The following SLC35F4 variants were observed in gnomAD, a reference collection of about 807,000 sequenced individuals.
SLC35F4 encodes solute carrier family 35 member F4.
In SLC35F4, 24 loss-of-function variants were observed where a neutral mutation model predicts 44.2. That is an observed-to-expected ratio of 0.54 (90% CI 0.39 to 0.76). SLC35F4 has a LOEUF of 0.76. Among genes scored for constraint, SLC35F4 ranks in the 30% least tolerant of loss-of-function variants. SLC35F4 has a pLI of 0.00. For missense variants in SLC35F4, 562 were observed against 586.1 expected (o/e 0.96, Z 0.42); for synonymous variants, 238 against 223.6 (o/e 1.06, Z -0.57).
intron 1 of SLC35F4, among the ~76,000 whole-genome samples, chr14:57,738,116 G>A (rs1203293744): frequency 6.6e-6 from 1 of 152,176 alleles, no homozygotes; most frequent in Non-Finnish European, 1.5e-5. Flanking sequence ...GCCCACTCCA[G>A]AAATGCTGGT....
At chr14:57,624,098 T>C (rs2072343700) in intron 1 of SLC35F4, among the ~76,000 whole-genome samples, 1 of 151,806 alleles carries the variant, frequency 6.6e-6, no homozygotes, top group Admixed American at 6.6e-5. Flanking sequence ...ATAGACACAA[T>C]AAAAAATGAT....
rs535023917 is a variant in SLC35F4 at position 57,623,822 on chromosome 14, G to A, written c.104-29698C>T. 1.4e-4 allele frequency among the ~76,000 whole-genome samples: 21 copies of A among 152,306 alleles called. 1 individual carries two copies. The East Asian group carries it at 4.1e-3, about 29-fold the overall frequency. On this transcript the variant is annotated intron_variant, in intron 1 of 7. Transcript: ENST00000556826. ...AGCTGTGTGTAGTGGGAAATTTATA[G>A]CACTAAATGCCCACGAGAGAAAGCA...
At position 57,880,068 on chromosome 14, in the gene SLC35F4, G is replaced by A. The variant is rs146009720; in HGVS notation, n.282+101845C>T. ...AGGAAGGAAGGAAGGAAGGAAGGAA[G>A]GAAGGAAGGAAGGAAGGAAGGAAGG... On this transcript the variant is annotated intron_variant and non_coding_transcript_variant, in intron 1 of 1. Transcript: ENST00000556568. Among the ~76,000 whole-genome samples the A allele has an allele frequency of 6.1e-4, 73 of 120,620 alleles. 1 individual carries two copies. Among genetic ancestry groups the A allele is most frequent in the African/African-American group, 1.7e-3 (44 of 26,446 alleles). The allele number at this position is 120,620 out of a possible 152,430, so 79.1% of individuals were successfully genotyped here. A position where few individuals can be genotyped will look rare whatever the true frequency, so the allele number is the denominator to read the frequency against.
At chr14:57,905,350 A>C (rs1353608205) in intron 1 of SLC35F4, among the ~76,000 whole-genome samples, 5 of 152,196 alleles carry the variant, frequency 3.3e-5, no homozygotes, top group Admixed American at 3.3e-4. Flanking sequence ...TATATGATCT[A>C]GCCTCAGAAG....
At chr14:57,630,303 G>T in intron 1 of SLC35F4, 1 of 572,138 alleles carries the variant, frequency 1.7e-6, no homozygotes, top group Non-Finnish European at 3.3e-6. Flanking sequence ...GCTGTCTTCT[G>T]ATTACAACTA....
At chr14:57,728,204 C>T (rs889080724) in intron 1 of SLC35F4, among the ~76,000 whole-genome samples, 1 of 152,032 alleles carries the variant, frequency 6.6e-6, no homozygotes, top group African/African-American at 2.4e-5. Context: ...TATAACTACT[C>T]CTGCTCTTTT....
intron 1 of SLC35F4, among the ~76,000 whole-genome samples, chr14:57,928,098 C>G (rs954591380): frequency 2.6e-5 from 4 of 151,692 alleles, no homozygotes; most frequent in Non-Finnish European, 5.9e-5. Context: ...CCCATACAAG[C>G]AAAGACTCAT....
At chr14:57,962,837 G>A (rs181694344) in intron 1 of SLC35F4, among the ~76,000 whole-genome samples, 2 of 152,258 alleles carry the variant, frequency 1.3e-5, no homozygotes, top group East Asian at 3.9e-4. Flanking sequence ...AGCACACTGC[G>A]CAAAACCTCA....
rs575366794 is a variant in SLC35F4 at position 57,645,417 on chromosome 14, CTGTT to C, written c.104-51297_104-51294del. On this transcript the variant is annotated intron_variant, in intron 1 of 7. Transcript: ENST00000556826. ...GGGAGTTCACTCATGATTTGGCTCT[CTGTT>C]TGTCTGTTATTGGTGTATAAGAATG... is the stretch of plus-strand genomic sequence containing the variant. Among the ~76,000 whole-genome samples, 108 of 152,146 alleles carry C rather than the reference CTGTT, an allele frequency of 7.1e-4. 1 individual carries two copies. In the South Asian group the frequency reaches 0.019, roughly 27 times the overall value.
intron 1 of SLC35F4, among the ~76,000 whole-genome samples, chr14:57,658,132 A>G (rs1352625062): frequency 1.3e-5 from 2 of 152,162 alleles, no homozygotes; most frequent in Non-Finnish European, 2.9e-5. Context: ...CCAAATAGAG[A>G]GCATAGTTAT....
chr14:57,967,843 T>G (rs764676395), intron 1 of SLC35F4, among the ~76,000 whole-genome samples: 2 of 152,186 alleles, frequency 1.3e-5, no homozygotes, highest in African/African-American at 4.8e-5. Context: ...GCTTCCCAAA[T>G]TCATGCAAAG....
At chr14:57,671,203 G>A (rs1264591373) in intron 1 of SLC35F4, among the ~76,000 whole-genome samples, 1 of 152,066 alleles carries the variant, frequency 6.6e-6, no homozygotes, top group Non-Finnish European at 1.5e-5. Flanking sequence ...TCTGAGGTTT[G>A]CCCTTAGGCA....
At chr14:57,801,809 TAG>T (rs1349000556) in intron 1 of SLC35F4, among the ~76,000 whole-genome samples, 1 of 152,154 alleles carries the variant, frequency 6.6e-6, no homozygotes, top group East Asian at 1.9e-4. Context: ...ATGCACCCAA[TAG>T]AGAAGCACTC....
intron 1 of SLC35F4, among the ~76,000 whole-genome samples, chr14:57,858,702 A>G (rs1887376012): frequency 6.8e-6 from 1 of 146,760 alleles, no homozygotes; most frequent in Admixed American, 6.6e-5. Flanking sequence ...AGGAAAAAAA[A>G]GAATTACTAT....
chr14:57,742,277 G>A (rs1297199453), intron 1 of SLC35F4, among the ~76,000 whole-genome samples: 1 of 152,190 alleles, frequency 6.6e-6, no homozygotes, highest in Non-Finnish European at 1.5e-5. Context: ...ACACAGACTG[G>A]CAAATTGGAT....
chr14:57,976,278 G>A (rs1454899122), downstream of SLC35F4, among the ~76,000 whole-genome samples: 5 of 152,180 alleles, frequency 3.3e-5, no homozygotes, highest in African/African-American at 1.2e-4. Context: ...CTAGGTCTGC[G>A]CTACTTGAAA....
intron 1 of SLC35F4, among the ~76,000 whole-genome samples, chr14:57,806,318 A>G (rs1881311004): frequency 6.6e-6 from 1 of 152,220 alleles, no homozygotes; most frequent in African/African-American, 2.4e-5. Context: ...TATAATCTCT[A>G]CAAAATAGTT....
At chr14:57,974,639 T>C (rs1201391568), downstream of SLC35F4, among the ~76,000 whole-genome samples, 6 of 152,158 alleles carry the variant, frequency 3.9e-5, no homozygotes, top group African/African-American at 1.2e-4. Flanking sequence ...ACAGGACTTA[T>C]CCTCTGGGTG....
At chr14:57,857,695 A>G (rs1887249953) in intron 1 of SLC35F4, among the ~76,000 whole-genome samples, 9 of 152,072 alleles carry the variant, frequency 5.9e-5, no homozygotes, top group Admixed American at 5.9e-4. Flanking sequence ...AGTGTGCTAA[A>G]TGCTGGAGCA....
Sources: allele counts gnomAD v4.1 joint callset (sites outside exome capture counted in the v4.1 genomes callset), GRCh38; gene constraint gnomAD v4.1.1; transcripts MANE v1.5; gene names NCBI Gene and HGNC (gene_info 2026-07-23, HGNC 2026-07-21).